SULT1E1: variants seen among roughly 807,000 people sequenced by gnomAD.
SULT1E1 encodes sulfotransferase 1E1.
Under a neutral mutation model 33.6 loss-of-function variants are expected in SULT1E1, and 36 were observed. That is an observed-to-expected ratio of 1.07 (90% confidence interval 0.82 to 1.41). The LOEUF (loss-of-function observed/expected upper bound fraction) is 1.41, where lower values mean the gene tolerates loss of function less well. SULT1E1 is among the 40% of genes most tolerant of loss of function. The probability of loss-of-function intolerance (pLI) is 0.00; values close to 1 mark genes in which losing one functional copy is unlikely to be tolerated. For synonymous variants in SULT1E1, 121 were observed against 111.7 expected (o/e 1.08, Z -0.53); for missense variants, 371 against 345.7 (o/e 1.07, Z -0.58).
intron 7 of SULT1E1, among the ~76,000 whole-genome samples, chr4:69,843,633 T>C (rs1200290182): frequency 1.3e-5 from 2 of 152,230 alleles, no homozygotes; most frequent in Non-Finnish European, 2.9e-5. Flanking sequence ...TCAGGCTATG[T>C]CTCCCCCCAA....
chr4:69,849,669 C>T lies in SULT1E1; in HGVS notation c.370-106G>A, dbSNP rs566948961. 38 of 1,031,484 alleles carry T rather than the reference C, an allele frequency of 3.7e-5. No individual in the cohort carries two copies. In the Middle Eastern group the frequency reaches 1.0e-3, roughly 28 times the overall value. The allele number at this position is 1,031,484 out of a possible 1,614,324, so 63.9% of individuals were successfully genotyped here. A position where few individuals can be genotyped will look rare whatever the true frequency, so the allele number is the denominator to read the frequency against. Reference sequence around the variant, plus strand: ...CATTTTCAAATATAAACATAATACACATTAATTTTACAAAATGCATAAGAC... The same window carrying T: ...CATTTTCAAATATAAACATAATACATATTAATTTTACAAAATGCATAAGAC... On this transcript the variant is annotated intron_variant, in intron 4 of 7. Coordinates refer to ENST00000226444, the MANE Select transcript of SULT1E1 (RefSeq NM_005420.3).
At chr4:69,854,406 T>G in intron 3 of SULT1E1, 92 bp from the exon 4 acceptor site, 1 of 757,846 alleles carries the variant, frequency 1.3e-6, no homozygotes, top group Non-Finnish European at 2.1e-6. Flanking sequence ...GAAGTAATTC[T>G]AAGATTCTAT....
At chr4:69,826,565 A>G in the SULT1E1 span, among the ~76,000 whole-genome samples, 1 of 152,148 alleles carries the variant, frequency 6.6e-6, no homozygotes, top group Admixed American at 6.5e-5. Flanking sequence ...TTTCTTTCAG[A>G]TGAGAAACAC....
chr4:69,836,644 A>G (rs1369254918), downstream of SULT1E1, among the ~76,000 whole-genome samples: 1 of 152,224 alleles, frequency 6.6e-6, no homozygotes, highest in Non-Finnish European at 1.5e-5. Flanking sequence ...ACTCTGATTC[A>G]TAATAAATCT....
Position 69,842,068 on chromosome 4 carries a change from G to T in SULT1E1, c.811C>A (p.Leu271Met), listed in dbSNP as rs1208001735. ...TAATGTTTATCAAATTTTTCATTCA[G>T]GGCTACTGTAAAGTGATTTTTCCAG... ...GDWKNHFTVA[L>M]NEKFDKHYEQ... Residue 271 changes from leucine to methionine, a missense_variant, in exon 8 of 8, where the codon CTG becomes ATG. Physicochemically the swap from Leu to Met is conservative, Grantham distance 15. Coordinates refer to ENST00000226444, the MANE Select transcript of SULT1E1 (RefSeq NM_005420.3). 1.2e-5 allele frequency: 19 copies of T among 1,611,064 alleles called. No individual in the cohort carries two copies. The highest frequency in any genetic ancestry group is 1.5e-5 in the Non-Finnish European group (18 of 1,178,912).
downstream of SULT1E1, chr4:69,838,342 G>A (rs553910091): frequency 6.6e-6 from 1 of 151,720 alleles, no homozygotes; most frequent in African/African-American, 2.4e-5. Flanking sequence ...TTGCTGAACT[G>A]AGAAGAAAAT....
the SULT1E1 span, among the ~76,000 whole-genome samples, chr4:69,829,132 G>A: frequency 1.3e-5 from 2 of 152,168 alleles, no homozygotes; most frequent in African/African-American, 2.4e-5. Context: ...GCACTTGCTG[G>A]AATATGTCCC....
the SULT1E1 span, among the ~76,000 whole-genome samples, chr4:69,832,219 C>T: frequency 6.6e-6 from 1 of 152,102 alleles, no homozygotes. Context: ...AGGGGAGGGG[C>T]GCCGGAGAAG....
At position 69,842,694 on chromosome 4, in the gene SULT1E1, T is replaced by C. The variant is rs191732836; in HGVS notation, c.773-588A>G. On this transcript the variant is annotated intron_variant, in intron 7 of 7. Coordinates refer to ENST00000226444, the MANE Select transcript of SULT1E1 (RefSeq NM_005420.3). ...TCATTATATTCAGGCTTTCTTTATA[T>C]CTACTGCCTCTTAAACACTTCTGCT... Among the ~76,000 whole-genome samples, 260 of 152,326 alleles carry C rather than the reference T, an allele frequency of 1.7e-3. 2 individuals carry two copies. Among genetic ancestry groups the C allele is most frequent in the African/African-American group, 5.7e-3 (239 of 41,580 alleles).
intron 7 of SULT1E1, 120 bp downstream of exon 7, chr4:69,844,041 G>A: frequency 1.2e-6 from 1 of 830,688 alleles, no homozygotes; most frequent in Non-Finnish European, 2.0e-6. Context: ...AAATATGAAA[G>A]ACTGCTGAAG....
intron 2 of SULT1E1, 107 bp from the exon 3 acceptor site, chr4:69,855,533 T>G (rs1010996443): frequency 2.7e-5 from 30 of 1,105,168 alleles, no homozygotes; most frequent in Non-Finnish European, 3.7e-5. Context: ...TGCAATACTA[T>G]TTAAAGGGTG....
the SULT1E1 span, among the ~76,000 whole-genome samples, chr4:69,827,606 T>G: frequency 6.6e-6 from 1 of 152,128 alleles, no homozygotes; most frequent in African/African-American, 2.4e-5. Context: ...AAGATAAGTT[T>G]ATTACCCAGT....
the SULT1E1 span, among the ~76,000 whole-genome samples, chr4:69,822,384 A>T: frequency 6.6e-6 from 1 of 152,172 alleles, no homozygotes; most frequent in African/African-American, 2.4e-5. Context: ...AGGCAGGAGG[A>T]TGACTCGAGG....
intron 1 of SULT1E1, among the ~76,000 whole-genome samples, chr4:69,859,279 C>A (rs1181168414): frequency 1.3e-5 from 2 of 152,086 alleles, no homozygotes; most frequent in Admixed American, 6.5e-5. Flanking sequence ...TCCCCTCCTG[C>A]ATCTTCCAAC....
rs1720894869 is a variant in SULT1E1, at chr4:69,842,022, G to T, written c.857C>A (p.Ser286Tyr). The change falls in exon 8 of 8, where the codon TCT (serine) becomes TAT (tyrosine). Residue 286 changes from serine (S) to tyrosine (Y), a missense_variant. Ser to Tyr is a moderately radical substitution (Grantham distance 144). Coordinates refer to ENST00000226444, the MANE Select transcript of SULT1E1 (RefSeq NM_005420.3). The part of the protein sequence containing the change: ...DKHYEQQMKE[S>Y]TLKFRTEI ...GATCTCAGTTCGAAACTTCAGTGTA[G>T]ATTCCTTCATTTGCTGCTCATAATG... 1 of 1,610,294 alleles carries T rather than the reference G, an allele frequency of 6.2e-7. No homozygotes were observed. The highest frequency in any genetic ancestry group is 8.5e-7 in the Non-Finnish European group (1 of 1,178,174).
At chr4:69,837,013 T>C (rs1578099332), downstream of SULT1E1, among the ~76,000 whole-genome samples, 1 of 152,006 alleles carries the variant, frequency 6.6e-6, no homozygotes, top group East Asian at 1.9e-4. Flanking sequence ...AGCCCAGGAG[T>C]TTGAGGCTGC....
chr4:69,858,631 C>T (rs1207853442), intron 1 of SULT1E1, among the ~76,000 whole-genome samples: 1 of 151,938 alleles, frequency 6.6e-6, no homozygotes, highest in African/African-American at 2.4e-5. Flanking sequence ...ATTGCCCCAG[C>T]CCTTAGGACA....
the SULT1E1 span, among the ~76,000 whole-genome samples, chr4:69,835,821 G>C: frequency 6.6e-6 from 1 of 152,028 alleles, no homozygotes; most frequent in East Asian, 1.9e-4. Context: ...GTAGAGACTG[G>C]GTTGTTTTGT....
At chr4:69,840,834 C>A (rs1720866174), downstream of SULT1E1, among the ~76,000 whole-genome samples, 1 of 152,210 alleles carries the variant, frequency 6.6e-6, no homozygotes, top group South Asian at 2.1e-4. Context: ...ATCACGAGGT[C>A]AGGAGATCGA....
Sources: allele counts gnomAD v4.1 joint callset (sites outside exome capture counted in the v4.1 genomes callset), GRCh38; gene constraint gnomAD v4.1.1; transcripts MANE v1.5; gene names NCBI Gene and HGNC (gene_info 2026-07-23, HGNC 2026-07-21).